TMEM154: variants seen among roughly 807,000 people sequenced by gnomAD.
TMEM154 encodes the protein transmembrane protein 154.
A neutral mutation model predicts 24.5 loss-of-function variants in TMEM154; 27 were observed. The ratio of observed to expected loss-of-function variants is 1.10; its 90% CI spans 0.81 to 1.52. TMEM154 has a LOEUF of 1.52. Among genes scored for constraint, TMEM154 ranks in the 40% most tolerant of loss-of-function variants. TMEM154 has a pLI of 0.00. For missense variants in TMEM154, 228 were observed against 213.4 expected, an observed-to-expected ratio of 1.07 and a Z score of -0.43; for synonymous variants, 67 against 76.8, an observed-to-expected ratio of 0.87 and a Z score of 0.67.
chr4:152,678,703 G>C (rs1728998166), intron 1 of TMEM154, among the ~76,000 whole-genome samples: 2 of 152,150 alleles, frequency 1.3e-5, no homozygotes, highest in South Asian at 4.1e-4. Context: ...TTCCCTTCCA[G>C]CTCCAAAACA....
intron 3 of TMEM154, among the ~76,000 whole-genome samples, chr4:152,648,177 G>T (rs1400091420): frequency 1.3e-5 from 2 of 152,140 alleles, no homozygotes; most frequent in East Asian, 3.8e-4. Flanking sequence ...ATTATTCAAG[G>T]CTTCCTAAAA....
At chr4:152,656,681 G>A (rs11946497) in intron 1 of TMEM154, among the ~76,000 whole-genome samples, 1,591 of 152,210 alleles carry the variant, frequency 0.01, 22 homozygotes, top group African/African-American at 0.037. Context: ...CAGCATTTTG[G>A]GAGGCTGAGG....
chr4:152,652,668 T>C lies in TMEM154; in HGVS notation c.324A>G (p.Gln108=), dbSNP rs773875319. ...ATYYKRKRTK[Q]EPSSQGSQSA... ...AATGGAAATACACCAAATATTTACC[T>C]TGTTTAGTTCTTTTTCTTTTATAGT... Residue 108 remains glutamine, a splice_region_variant and synonymous_variant, in exon 2 of 7, where the codon CAA becomes CAG. Coordinates refer to ENST00000304385, the MANE Select transcript of TMEM154 (RefSeq NM_152680.3). 1 of 1,613,448 alleles carries C rather than the reference T, an allele frequency of 6.2e-7. No individual in the cohort carries two copies. Among genetic ancestry groups the C allele is most frequent in the South Asian group, 1.1e-5 (1 of 90,920 alleles).
chr4:152,679,836 T>G (rs770040792), intron 1 of TMEM154, 34 bp downstream of exon 1: 3 of 1,591,480 alleles, frequency 1.9e-6, no homozygotes, highest in African/African-American at 2.7e-5. Flanking sequence ...TTTGCGATCC[T>G]CCTTCCCAGG....
At chr4:152,672,170 G>C (rs1728855199) in intron 1 of TMEM154, among the ~76,000 whole-genome samples, 1 of 151,958 alleles carries the variant, frequency 6.6e-6, no homozygotes, top group South Asian at 2.1e-4. Context: ...AGGAGGCTGA[G>C]GTGGGAGGAT....
rs763952808 is a variant in TMEM154, at chr4:152,679,860, G to A, written c.64+10C>T. ...CTCCTTCCCAGGAGTAGGAAGTGGAGGCGGCTTACCCCGGCCGACGGGAAC... is the reference window on the plus strand; with the variant it reads ...CTCCTTCCCAGGAGTAGGAAGTGGAAGCGGCTTACCCCGGCCGACGGGAAC... On this transcript the variant is annotated intron_variant, in intron 1 of 6. Transcript: ENST00000304385. 6.2e-6 allele frequency: 10 copies of A among 1,604,996 alleles called. No individual in the cohort carries two copies. The highest frequency in any genetic ancestry group is 7.6e-6 in the Non-Finnish European group (9 of 1,176,746).
At chr4:152,630,142 C>T (rs1358819345) in intron 6 of TMEM154, among the ~76,000 whole-genome samples, 3 of 151,578 alleles carry the variant, frequency 2.0e-5, no homozygotes, top group Admixed American at 6.6e-5. Context: ...AGTGAGACCC[C>T]ATCTCCATAA....
intron 1 of TMEM154, among the ~76,000 whole-genome samples, chr4:152,659,934 CT>C (rs1425994550): frequency 2.0e-5 from 3 of 152,200 alleles, no homozygotes; most frequent in African/African-American, 7.2e-5. Flanking sequence ...CATGTGATCT[CT>C]CTCTGGCTCT....
intron 1 of TMEM154, chr4:152,666,519 C>T (rs1219227536): frequency 6.6e-6 from 1 of 151,988 alleles, no homozygotes; most frequent in Non-Finnish European, 1.5e-5. Flanking sequence ...ACTTTGTTAC[C>T]CAGGCTGGTC....
rs112100631 is a variant in TMEM154 at position 152,653,443 on chromosome 4, G to A, written c.65-516C>T. ...CTTGCTCCATTGCCCAGGCTGGAGC[G>A]TAGTGGCATGATCTCAGCTCACTGC... is the stretch of plus-strand genomic sequence containing the variant. On this transcript the variant is annotated intron_variant, in intron 1 of 6. Coordinates refer to ENST00000304385, the MANE Select transcript of TMEM154 (RefSeq NM_152680.3). Among the ~76,000 whole-genome samples, 642 of 149,644 alleles carry A rather than the reference G, an allele frequency of 4.3e-3. 4 individuals are homozygous for A. The highest frequency in any genetic ancestry group is 0.013 in the African/African-American group (544 of 40,532).
Position 152,622,318 on chromosome 4 carries a change from T to G in TMEM154, c.*6228A>C, listed in dbSNP as rs1751855723. 2 of 152,312 alleles carry G rather than the reference T, an allele frequency of 1.3e-5. No homozygotes were observed. Among genetic ancestry groups the G allele is most frequent in the South Asian group, 4.1e-4 (2 of 4,828 alleles). The allele number at this position is 152,312 out of a possible 1,614,324, so 9.4% of individuals were successfully genotyped here. Reference sequence around the variant, plus strand: ...TTGAATTGGTATTGTTTCGTTTATTTAAAGAATTATATGGATCAAAAGAGG... The same window carrying G: ...TTGAATTGGTATTGTTTCGTTTATTGAAAGAATTATATGGATCAAAAGAGG... On this transcript the variant is annotated 3_prime_UTR_variant, in exon 7 of 7. Transcript: ENST00000304385.
chr4:152,630,599 A>G (rs1015136523), intron 6 of TMEM154, among the ~76,000 whole-genome samples: 3 of 152,234 alleles, frequency 2.0e-5, no homozygotes, highest in Non-Finnish European at 4.4e-5. Context: ...GAAGCAGAGT[A>G]TAATATACAG....
chr4:152,654,849 G>A (rs530878187), intron 1 of TMEM154, among the ~76,000 whole-genome samples: 4 of 152,186 alleles, frequency 2.6e-5, no homozygotes, highest in African/African-American at 9.7e-5. Flanking sequence ...TATGGTATCT[G>A]AGCTAAGACA....
At chr4:152,660,281 T>G (rs1302803692) in intron 1 of TMEM154, among the ~76,000 whole-genome samples, 1 of 152,046 alleles carries the variant, frequency 6.6e-6, no homozygotes, top group Admixed American at 6.6e-5. Flanking sequence ...TGAGGTTGGG[T>G]GTGGGGTGGG....
intron 4 of TMEM154, 48 bp from the exon 5 acceptor site, chr4:152,643,221 C>G (rs148980700): frequency 7.4e-7 from 1 of 1,355,442 alleles, no homozygotes; most frequent in Non-Finnish European, 1.0e-6. Flanking sequence ...GTGAAAGATG[C>G]CTAATTTCAT....
chr4:152,656,008 G>C (rs540689634), intron 1 of TMEM154, among the ~76,000 whole-genome samples: 37 of 152,224 alleles, frequency 2.4e-4, no homozygotes, highest in African/African-American at 8.2e-4. Flanking sequence ...GCCCAGTCTA[G>C]TCCATCACCA....
In TMEM154 at chr4:152,618,688, C is replaced by A. The variant is rs1751800913; in HGVS notation, c.*9858G>T. 1 of 152,208 alleles carries A rather than the reference C, an allele frequency of 6.6e-6. No homozygotes were observed. Among genetic ancestry groups the A allele is most frequent in the African/African-American group, 2.4e-5 (1 of 41,446 alleles). 9.4% of individuals were successfully genotyped at this position (152,208 alleles called of 1,614,324 possible). On this transcript the variant is annotated 3_prime_UTR_variant, in exon 7 of 7. Transcript: ENST00000304385. ...TCAGTTAGGCTCCATCCCCAGTTTT[C>A]CTTCACCTTCCAAATTGGGGCCACT...
At chr4:152,647,887 C>T (rs1579519359) in intron 3 of TMEM154, among the ~76,000 whole-genome samples, 4 of 152,168 alleles carry the variant, frequency 2.6e-5, no homozygotes, top group Admixed American at 6.5e-5. Flanking sequence ...CAGAGAGTCA[C>T]GGTGCCAGGA....
intron 6 of TMEM154, among the ~76,000 whole-genome samples, chr4:152,635,278 T>C (rs908588532): frequency 6.6e-6 from 1 of 152,236 alleles, no homozygotes; most frequent in Non-Finnish European, 1.5e-5. Context: ...TTCTTCTTTT[T>C]CTAATCTATA....
Sources: allele counts gnomAD v4.1 joint callset (sites outside exome capture counted in the v4.1 genomes callset), GRCh38; gene constraint gnomAD v4.1.1; transcripts MANE v1.5; gene names NCBI Gene and HGNC (gene_info 2026-07-23, HGNC 2026-07-21).